The following NUSAP1 variants were observed in gnomAD, a reference collection of about 807,000 sequenced individuals.
NUSAP1 encodes the protein nucleolar and spindle associated protein 1, also known as nucleolar and spindle-associated protein 1.
In NUSAP1, 32 loss-of-function variants were observed where a neutral mutation model predicts 52.8. The ratio of observed to expected loss-of-function variants is 0.61; its 90% CI spans 0.46 to 0.81. The LOEUF (loss-of-function observed/expected upper bound fraction) is 0.81, where lower values mean the gene tolerates loss of function less well. NUSAP1 is among the 40% of genes least tolerant of loss of function. NUSAP1 has a pLI of 0.00. For missense variants in NUSAP1, 499 were observed against 522.3 expected (o/e 0.96, Z 0.43); for synonymous variants, 195 against 183.1 (o/e 1.06, Z -0.52).
At chr15:41,337,590 T>C (rs966986541) in intron 1 of NUSAP1, among the ~76,000 whole-genome samples, 2 of 152,206 alleles carry the variant, frequency 1.3e-5, no homozygotes, top group African/African-American at 2.4e-5. Context: ...CCTCATTCCA[T>C]CTACTGCCCT....
At chr15:41,347,761 C>G (rs1216083959) in intron 2 of NUSAP1, among the ~76,000 whole-genome samples, 1 of 151,280 alleles carries the variant, frequency 6.6e-6, no homozygotes, top group East Asian at 1.9e-4. Flanking sequence ...TTGCAGTGAG[C>G]CAAGATCATG....
At chr15:41,360,480 C>G (rs2049129973) in intron 6 of NUSAP1, among the ~76,000 whole-genome samples, 1 of 152,088 alleles carries the variant, frequency 6.6e-6, no homozygotes, top group Non-Finnish European at 1.5e-5. Flanking sequence ...CCACGCCTGG[C>G]TAATTTTTTG....
intron 6 of NUSAP1, among the ~76,000 whole-genome samples, chr15:41,362,777 G>C (rs1346472069): frequency 6.6e-6 from 1 of 151,978 alleles, no homozygotes; most frequent in Non-Finnish European, 1.5e-5. Context: ...CCTTGTGGAA[G>C]ATTTTTAATT....
chr15:41,352,856 C>T (rs2048829082), intron 4 of NUSAP1, among the ~76,000 whole-genome samples: 1 of 152,050 alleles, frequency 6.6e-6, no homozygotes, highest in African/African-American at 2.4e-5. Context: ...CATGCCCAGC[C>T]AGCATTTTTT....
At chr15:41,371,944 A>AT (rs1351309804) in intron 8 of NUSAP1, among the ~76,000 whole-genome samples, 1 of 151,852 alleles carries the variant, frequency 6.6e-6, no homozygotes, top group Non-Finnish European at 1.5e-5. Context: ...CTAATTTTGT[A>AT]TTTTTAATAG....
At chr15:41,377,432 G>C in intron 10 of NUSAP1, 128 bp downstream of exon 10, 1 of 503,594 alleles carries the variant, frequency 2.0e-6, no homozygotes, top group Non-Finnish European at 3.5e-6. Flanking sequence ...GTGTGCGGTG[G>C]CTCACGCCTG....
intron 1 of NUSAP1, among the ~76,000 whole-genome samples, chr15:41,337,501 A>G (rs2048202395): frequency 6.6e-6 from 1 of 152,194 alleles, no homozygotes; most frequent in African/African-American, 2.4e-5. Flanking sequence ...CTTATTTGCC[A>G]TAAGGCATGC....
intron 4 of NUSAP1, among the ~76,000 whole-genome samples, chr15:41,351,387 G>T (rs2048773752): frequency 6.6e-6 from 1 of 152,162 alleles, no homozygotes. Context: ...GACGCTTGGT[G>T]TTCCTTGGCT....
At chr15:41,356,775 A>T (rs984424514) in intron 5 of NUSAP1, among the ~76,000 whole-genome samples, 1 of 152,238 alleles carries the variant, frequency 6.6e-6, no homozygotes, top group Non-Finnish European at 1.5e-5. Flanking sequence ...GAATCAATGT[A>T]TGAACTACTT....
chr15:41,342,080 A>G (rs1230953853), intron 1 of NUSAP1, among the ~76,000 whole-genome samples: 1 of 152,192 alleles, frequency 6.6e-6, no homozygotes, highest in Non-Finnish European at 1.5e-5. Context: ...CCCTGTGCAG[A>G]TACTTGCTGA....
At chr15:41,353,097 C>T (rs921031901) in intron 4 of NUSAP1, among the ~76,000 whole-genome samples, 12 of 152,042 alleles carry the variant, frequency 7.9e-5, no homozygotes, top group African/African-American at 2.9e-4. Context: ...ACTCTTTTAC[C>T]ACTTGGAATT....
intron 10 of NUSAP1, among the ~76,000 whole-genome samples, chr15:41,379,034 A>G (rs1164471364): frequency 1.6e-5 from 2 of 126,644 alleles, no homozygotes; most frequent in East Asian, 5.5e-4. Flanking sequence ...GCTCACTGCA[A>G]CCTCTGCCTC....
chr15:41,366,877 T>C (rs1462515428), intron 7 of NUSAP1, among the ~76,000 whole-genome samples: 1 of 152,216 alleles, frequency 6.6e-6, no homozygotes, highest in Non-Finnish European at 1.5e-5. Context: ...GGAGGTTTCA[T>C]AGGGAAGAAC....
intron 6 of NUSAP1, among the ~76,000 whole-genome samples, chr15:41,360,616 C>T (rs1446088937): frequency 1.3e-5 from 2 of 151,560 alleles, no homozygotes; most frequent in African/African-American, 4.9e-5. Flanking sequence ...GCGCCCAGCC[C>T]CTGCTAATTT....
chr15:41,338,117 T>TGGA (rs2048233881), intron 1 of NUSAP1, among the ~76,000 whole-genome samples: 2 of 151,854 alleles, frequency 1.3e-5, no homozygotes, highest in African/African-American at 4.8e-5. Flanking sequence ...GTATTTTTAG[T>TGGA]AGAGACAGGA....
intron 4 of NUSAP1, among the ~76,000 whole-genome samples, chr15:41,353,554 G>A (rs74827458): frequency 0.041 from 6,167 of 152,166 alleles, 242 homozygotes; most frequent in African/African-American, 0.1. Flanking sequence ...CTTGTTTTAC[G>A]GATACATTGG....
chr15:41,342,365 A>G (rs1184590941), intron 1 of NUSAP1, 21 bp from the exon 2 acceptor site: 2 of 1,531,058 alleles, frequency 1.3e-6, no homozygotes, highest in East Asian at 4.6e-5. Flanking sequence ...TTTGGCTCTA[A>G]TAATAAGGTC....
chr15:41,355,792 T>C (rs1345190470), intron 4 of NUSAP1, among the ~76,000 whole-genome samples: 1 of 151,994 alleles, frequency 6.6e-6, no homozygotes, highest in Admixed American at 6.6e-5. Flanking sequence ...TTCTCCTGCC[T>C]CAACCTCCCG....
intron 7 of NUSAP1, among the ~76,000 whole-genome samples, chr15:41,368,421 C>G (rs1567068818): frequency 6.6e-6 from 1 of 152,130 alleles, no homozygotes; most frequent in Non-Finnish European, 1.5e-5. Flanking sequence ...CAGAAAGTAT[C>G]TCATTACAGT....
Sources: gnomAD v4.1 joint callset for allele counts (sites outside exome capture counted in the v4.1 genomes callset) on GRCh38, gnomAD v4.1.1 for gene constraint, MANE v1.5 for transcripts, NCBI Gene and HGNC (gene_info 2026-07-23, HGNC 2026-07-21) for gene names.